The following GNAI1 variants were observed in gnomAD, a reference collection of about 807,000 sequenced individuals.
GNAI1 encodes the protein G protein subunit alpha i1, also known as guanine nucleotide-binding protein G(i) subunit alpha-1.
In GNAI1, 11 loss-of-function variants were observed where a neutral mutation model predicts 38.9. The ratio of observed to expected loss-of-function variants is 0.28; its 90% confidence interval spans 0.18 to 0.47. The LOEUF (loss-of-function observed/expected upper bound fraction) is 0.47, where lower values mean the gene tolerates loss of function less well. Among genes scored for constraint, GNAI1 ranks in the 20% least tolerant of loss-of-function variants. The probability of loss-of-function intolerance (pLI) is 0.99; values close to 1 mark genes in which losing one functional copy is unlikely to be tolerated. For missense variants in GNAI1, 317 were observed against 436.9 expected (o/e 0.73, Z 2.45); for synonymous variants, 166 against 145.1 (o/e 1.14, Z -1.04).
At chr7:80,142,049 C>A (rs1428556267) in intron 1 of GNAI1, among the ~76,000 whole-genome samples, 3 of 152,154 alleles carry the variant, frequency 2.0e-5, no homozygotes, top group Non-Finnish European at 4.4e-5. Context: ...ATCTACCATG[C>A]TTCTCACTTC....
chr7:80,146,983 G>A (rs1787633931), intron 1 of GNAI1, among the ~76,000 whole-genome samples: 1 of 152,124 alleles, frequency 6.6e-6, no homozygotes, highest in Admixed American at 6.6e-5. Context: ...TGCATTTTGA[G>A]AGAAACCATT....
chr7:80,157,018 T>G (rs1034905453), intron 1 of GNAI1, among the ~76,000 whole-genome samples: 1 of 152,200 alleles, frequency 6.6e-6, no homozygotes, highest in African/African-American at 2.4e-5. Flanking sequence ...GTACATTCTA[T>G]TGGTTTGGAA....
At chr7:80,217,265 C>CT in intron 7 of GNAI1, 38 bp from the exon 8 acceptor site, 1 of 814,378 alleles carries the variant, frequency 1.2e-6, no homozygotes, top group Non-Finnish European at 1.7e-6. Context: ...GTTATTTTAA[C>CT]TTTTTGCATT....
chr7:80,216,904 A>C (rs1458110398), intron 7 of GNAI1, among the ~76,000 whole-genome samples: 1 of 152,168 alleles, frequency 6.6e-6, no homozygotes, highest in Non-Finnish European at 1.5e-5. Context: ...ACTGATCAGC[A>C]TTCAGCCAAC....
At chr7:80,165,430 G>A (rs1258868419) in intron 1 of GNAI1, among the ~76,000 whole-genome samples, 2 of 152,122 alleles carry the variant, frequency 1.3e-5, no homozygotes, top group African/African-American at 4.8e-5. Flanking sequence ...TAATGGAAGG[G>A]TGACCCTGCA....
chr7:80,159,098 C>T (rs1181295810), intron 1 of GNAI1, among the ~76,000 whole-genome samples: 1 of 152,150 alleles, frequency 6.6e-6, no homozygotes, highest in Non-Finnish European at 1.5e-5. Context: ...CCATGTCAAG[C>T]TGAGGGTGCC....
At chr7:80,173,823 T>C (rs1788137591) in intron 1 of GNAI1, among the ~76,000 whole-genome samples, 1 of 152,180 alleles carries the variant, frequency 6.6e-6, no homozygotes, top group Non-Finnish European at 1.5e-5. Context: ...TAAGTCTTGG[T>C]CGTCTCTCCT....
At chr7:80,201,375 C>G (rs1037757640) in intron 4 of GNAI1, among the ~76,000 whole-genome samples, 15 of 152,284 alleles carry the variant, frequency 9.9e-5, no homozygotes, top group Admixed American at 7.2e-4. Context: ...CCCCCTCAGT[C>G]TCTTGTCCAA....
chr7:80,194,894 T>C (rs954449287), intron 3 of GNAI1, among the ~76,000 whole-genome samples: 3 of 152,060 alleles, frequency 2.0e-5, no homozygotes, highest in African/African-American at 7.2e-5. Flanking sequence ...TTACTTTTAC[T>C]TGCTTTTTCC....
At chr7:80,197,180 A>ATCTTT (rs1491410063) in intron 3 of GNAI1, among the ~76,000 whole-genome samples, 1 of 137,438 alleles carries the variant, frequency 7.3e-6, no homozygotes, top group Non-Finnish European at 1.6e-5. Flanking sequence ...GTTTCTGTGG[A>ATCTTT]TTTTTTTTTT....
At chr7:80,204,855 A>C (rs571889702) in intron 5 of GNAI1, among the ~76,000 whole-genome samples, 16 of 152,302 alleles carry the variant, frequency 1.1e-4, no homozygotes, top group African/African-American at 2.9e-4. Context: ...TATTCTACTG[A>C]AACAAAACTT....
intron 5 of GNAI1, among the ~76,000 whole-genome samples, chr7:80,210,018 C>T (rs145195438): frequency 2.0e-3 from 297 of 152,250 alleles, no homozygotes; most frequent in African/African-American, 6.8e-3. Flanking sequence ...CAGTACTGCT[C>T]TGTAGGGAAA....
In GNAI1 at chr7:80,217,539, T is replaced by C; in HGVS notation, c.*46T>C. On this transcript the variant is annotated 3_prime_UTR_variant, in exon 8 of 8. Transcript: ENST00000649796. ...ATGCATTTTCAAACCAAATGAGTAC[T>C]TATATATGGATCTCTGTAGACTAGA... 2 of 1,083,854 alleles carry C rather than the reference T, an allele frequency of 1.8e-6. No homozygotes were observed. 67.1% of individuals were successfully genotyped at this position (1,083,854 alleles called of 1,614,324 possible).
intron 5 of GNAI1, among the ~76,000 whole-genome samples, chr7:80,208,966 A>G (rs1788826437): frequency 6.6e-6 from 1 of 152,294 alleles, no homozygotes; most frequent in South Asian, 2.1e-4. Context: ...TAACGTTTGT[A>G]TATCTACAAC....
intron 3 of GNAI1, among the ~76,000 whole-genome samples, chr7:80,192,733 G>T (rs1788503811): frequency 6.6e-6 from 1 of 151,822 alleles, no homozygotes; most frequent in East Asian, 1.9e-4. Context: ...TTTTGCTCTT[G>T]TTGCCAGGCT....
Position 80,153,019 on chromosome 7 carries a change from A to ACC in GNAI1, c.118+17742_118+17743dup, listed in dbSNP as rs1446782667. On this transcript the variant is annotated intron_variant, in intron 1 of 7. Transcript: ENST00000649796. Reference sequence around the variant, plus strand: ...TAATTATATCTAATACACTGTATTTACCGAAGAATGTAGACTTTTATATTT... The same window carrying ACC: ...TAATTATATCTAATACACTGTATTTACCCCGAAGAATGTAGACTTTTATATTT... Among the ~76,000 whole-genome samples, 6 of 152,180 alleles carry ACC rather than the reference A, an allele frequency of 3.9e-5. No individual in the cohort carries two copies. In the East Asian group the frequency reaches 1.2e-3, roughly 29 times the overall value.
chr7:80,222,469 C>T lies in GNAI1; in HGVS notation c.*4976C>T, dbSNP rs1423608412. On this transcript the variant is annotated 3_prime_UTR_variant, in exon 8 of 8. Transcript: ENST00000649796. ...ATGGTGCGATCTCGGCTCACCGCAACATCCGCCTCCCGGGTACAAGCAATT... is the reference window on the plus strand; with the variant it reads ...ATGGTGCGATCTCGGCTCACCGCAATATCCGCCTCCCGGGTACAAGCAATT... Among the ~76,000 whole-genome samples the T allele has an allele frequency of 6.7e-6, 1 of 149,722 alleles. No homozygotes were observed. Among genetic ancestry groups the T allele is most frequent in the Non-Finnish European group, 1.5e-5 (1 of 67,608 alleles).
At chr7:80,137,789 C>G (rs1787452078) in intron 1 of GNAI1, among the ~76,000 whole-genome samples, 1 of 152,216 alleles carries the variant, frequency 6.6e-6, no homozygotes, top group Admixed American at 6.5e-5. Context: ...GCTGGCCCAG[C>G]ACTCTCCTCT....
Position 80,135,289 on chromosome 7 carries a change from C to A in GNAI1, c.118+11C>A. On this transcript the variant is annotated intron_variant, in intron 1 of 7. Coordinates refer to ENST00000649796, the MANE Select transcript of GNAI1 (RefSeq NM_002069.6). ...AGCTGCTGCTGCTCGGTAAGGGCGG[C>A]CGGGTCGGGGCCCGGGGGTCGGCGG... The A allele has an allele frequency of 7.0e-7, 1 of 1,432,354 alleles. No individual in the cohort carries two copies. 88.7% of individuals were successfully genotyped at this position (1,432,354 alleles called of 1,614,324 possible).
Sources: allele counts gnomAD v4.1 joint callset (sites outside exome capture counted in the v4.1 genomes callset), GRCh38; gene constraint gnomAD v4.1.1; transcripts MANE v1.5; gene names NCBI Gene and HGNC (gene_info 2026-07-23, HGNC 2026-07-21).